The following PGM2 variants were observed in gnomAD, a reference collection of about 807,000 sequenced individuals.
The protein encoded by PGM2 is phosphoglucomutase 2, also known as phosphopentomutase.
Under a neutral mutation model 74.6 loss-of-function variants are expected in PGM2, and 57 were observed. The ratio of observed to expected loss-of-function variants is 0.76; its 90% confidence interval spans 0.62 to 0.95. The LOEUF (loss-of-function observed/expected upper bound fraction) is 0.95. PGM2 is among the 40% of genes least tolerant of loss of function. The pLI, the probability that PGM2 is intolerant of heterozygous loss-of-function variation, is 0.00. For missense variants in PGM2, 706 were observed against 741.9 expected, an observed-to-expected ratio of 0.95 and a Z score of 0.56; for synonymous variants, 273 against 260.7, an observed-to-expected ratio of 1.05 and a Z score of -0.46.
intron 13 of PGM2, among the ~76,000 whole-genome samples, chr4:37,860,513 A>G (rs185178585): frequency 3.3e-5 from 5 of 152,354 alleles, no homozygotes; most frequent in Admixed American, 3.3e-4. Context: ...GCACAGAGCT[A>G]GTAAGTATAG....
At chr4:37,855,073 G>C (rs2152181469) in intron 12 of PGM2, among the ~76,000 whole-genome samples, 1 of 152,266 alleles carries the variant, frequency 6.6e-6, no homozygotes, top group African/African-American at 2.4e-5. Flanking sequence ...CAATTTTCAA[G>C]TATACAATGC....
At chr4:37,855,472 C>G in intron 12 of PGM2, 136 bp from the exon 13 acceptor site, 1 of 708,524 alleles carries the variant, frequency 1.4e-6, no homozygotes. Context: ...AGTACATTTT[C>G]TGATTTCCTC....
intron 13 of PGM2, among the ~76,000 whole-genome samples, chr4:37,859,937 A>T (rs1711707618): frequency 6.6e-6 from 1 of 152,214 alleles, no homozygotes; most frequent in Admixed American, 6.6e-5. Context: ...AATATTCTCA[A>T]GCATTAATTT....
intron 9 of PGM2, 40 bp downstream of exon 9, chr4:37,847,151 G>C: frequency 1.3e-6 from 2 of 1,595,628 alleles, no homozygotes; most frequent in Non-Finnish European, 1.7e-6. Context: ...CCTTTCATCT[G>C]CTCTGTAGAA....
At chr4:37,853,462 T>C (rs1184455979) in intron 12 of PGM2, among the ~76,000 whole-genome samples, 2 of 151,836 alleles carry the variant, frequency 1.3e-5, no homozygotes, top group African/African-American at 4.8e-5. Flanking sequence ...CTTTTTCTGC[T>C]ACATTCTCTT....
chr4:37,839,407 C>T, intron 4 of PGM2: 1 of 377,450 alleles, frequency 2.6e-6, no homozygotes, highest in Non-Finnish European at 5.2e-6. Flanking sequence ...GAGACACCAC[C>T]CCTGGCCCCT....
At chr4:37,841,627 T>G (rs1725732068) in intron 6 of PGM2, among the ~76,000 whole-genome samples, 1 of 152,234 alleles carries the variant, frequency 6.6e-6, no homozygotes, top group Non-Finnish European at 1.5e-5. Context: ...ACTGGAAACC[T>G]GGATTTTGTG....
chr4:37,854,177 C>T (rs2152181181), intron 12 of PGM2, among the ~76,000 whole-genome samples: 1 of 152,280 alleles, frequency 6.6e-6, no homozygotes, highest in South Asian at 2.1e-4. Context: ...CAGCTGCTAC[C>T]TCCTCTTTGT....
chr4:37,841,858 G>T (rs927074753), intron 6 of PGM2, among the ~76,000 whole-genome samples: 2 of 152,248 alleles, frequency 1.3e-5, no homozygotes, highest in Admixed American at 6.5e-5. Flanking sequence ...GCACGTGCAT[G>T]TGTGTGCGCA....
chr4:37,853,186 G>A (rs1393999763), intron 12 of PGM2, among the ~76,000 whole-genome samples: 1 of 152,006 alleles, frequency 6.6e-6, no homozygotes, highest in Non-Finnish European at 1.5e-5. Flanking sequence ...CACCCAAGCT[G>A]GAGTGCAGTG....
intron 13 of PGM2, among the ~76,000 whole-genome samples, chr4:37,857,167 G>C (rs6828738): frequency 0.29 from 43,418 of 151,996 alleles, 9,220 homozygotes; most frequent in African/African-American, 0.59. Context: ...TCAATTAACT[G>C]AACTTCATAA....
At chr4:37,831,538 G>C (rs552987848) in intron 2 of PGM2, among the ~76,000 whole-genome samples, 6 of 152,330 alleles carry the variant, frequency 3.9e-5, no homozygotes, top group African/African-American at 1.4e-4. Context: ...TCATTTGAAG[G>C]CACCTTCATT....
At chr4:37,848,403 T>G in intron 10 of PGM2, 119 bp from the exon 11 acceptor site, 2 of 801,906 alleles carry the variant, frequency 2.5e-6, no homozygotes, top group Non-Finnish European at 3.9e-6. Flanking sequence ...AAGGTATTAA[T>G]GAGAAATGTG....
At chr4:37,838,083 G>A (rs1318396260) in intron 4 of PGM2, among the ~76,000 whole-genome samples, 4 of 152,118 alleles carry the variant, frequency 2.6e-5, no homozygotes, top group African/African-American at 7.2e-5. Flanking sequence ...GTTTCACCAC[G>A]TTGGCCACGC....
At chr4:37,842,609 A>G (rs574841761) in intron 6 of PGM2, among the ~76,000 whole-genome samples, 1 of 151,622 alleles carries the variant, frequency 6.6e-6, no homozygotes, top group East Asian at 1.9e-4. Flanking sequence ...TCTAACATTA[A>G]TCAAGTGCTT....
intron 6 of PGM2, 63 bp downstream of exon 6, chr4:37,840,322 G>C (rs781009192): frequency 4.3e-6 from 4 of 926,892 alleles, no homozygotes; most frequent in Non-Finnish European, 6.9e-6. Context: ...AATTCTATTA[G>C]TGTTTGTGAA....
At chr4:37,846,901 A>G in intron 8 of PGM2, 30 bp from the exon 9 acceptor site, 1 of 1,550,904 alleles carries the variant, frequency 6.4e-7, no homozygotes, top group Non-Finnish European at 8.7e-7. Flanking sequence ...ATGGAAATGA[A>G]TGGTGGTTGT....
chr4:37,854,786 G>A (rs1577683444), intron 12 of PGM2, among the ~76,000 whole-genome samples: 1 of 151,630 alleles, frequency 6.6e-6, no homozygotes, highest in African/African-American at 2.4e-5. Flanking sequence ...ATCTGTTTAA[G>A]TCAATATCTT....
At chr4:37,840,589 T>G (rs949399876) in intron 6 of PGM2, among the ~76,000 whole-genome samples, 1 of 152,154 alleles carries the variant, frequency 6.6e-6, no homozygotes, top group Non-Finnish European at 1.5e-5. Flanking sequence ...GTTGGCATGT[T>G]GGCCAGGCTA....
Sources: gnomAD v4.1 joint callset for allele counts (sites outside exome capture counted in the v4.1 genomes callset) on GRCh38, gnomAD v4.1.1 for gene constraint, MANE v1.5 for transcripts, NCBI Gene and HGNC (gene_info 2026-07-23, HGNC 2026-07-21) for gene names.